ZNF16: variants seen among roughly 807,000 people sequenced by gnomAD.
ZNF16 encodes zinc finger protein 16.
In ZNF16, 7 loss-of-function variants were observed where a neutral mutation model predicts 9.0. That is an observed-to-expected ratio of 0.78 (90% CI 0.44 to 1.47). ZNF16 has a LOEUF of 1.47. Among genes scored for constraint, ZNF16 ranks in the 40% most tolerant of loss-of-function variants. ZNF16 has a pLI of 0.01. For missense variants in ZNF16, 830 were observed against 854.2 expected (o/e 0.97, Z 0.35); for synonymous variants, 312 against 301.5 (o/e 1.03, Z -0.36).
intron 2 of ZNF16, among the ~76,000 whole-genome samples, chr8:144,940,642 A>G (rs1202616526): frequency 2.0e-5 from 3 of 152,210 alleles, no homozygotes; most frequent in Non-Finnish European, 4.4e-5. Flanking sequence ...TTACATGTAC[A>G]CTTGAGAAGA....
Position 144,932,065 on chromosome 8 carries a change from T to C in ZNF16, c.722A>G (p.Asp241Gly). The C allele has an allele frequency of 6.2e-7, 1 of 1,614,122 alleles. No homozygotes were observed. The highest frequency in any genetic ancestry group is 1.1e-5 in the South Asian group (1 of 91,066). The change falls in exon 3 of 3, where the codon GAT (aspartate) becomes GGT (glycine). Residue 241 changes from aspartate (D) to glycine (G), a missense_variant. Coordinates refer to ENST00000394909, the MANE Select transcript of ZNF16 (RefSeq NM_006958.3). The surrounding 1 kb of genome is among the most constrained non-coding windows in gnomAD (Gnocchi z 5.0). ...HTGEASFMCD[D>G]CGKTFSQNSV... ...GTTCTGGCTGAAGGTTTTCCCACAA[T>C]CATCACACATAAAGGAAGCCTCCCC...
At chr8:144,941,159 A>G (rs1220354956) in intron 2 of ZNF16, among the ~76,000 whole-genome samples, 1 of 152,154 alleles carries the variant, frequency 6.6e-6, no homozygotes, top group African/African-American at 2.4e-5. Context: ...TCCATTTTTC[A>G]AAGTGGAGTA....
intron 1 of ZNF16, among the ~76,000 whole-genome samples, chr8:144,946,626 T>TGTACCCTGCTGTG (rs1833946315): frequency 1.2e-5 from 1 of 80,974 alleles, no homozygotes; most frequent in African/African-American, 5.1e-5. Flanking sequence ...GTCCTGCTGT[T>TGTACCCTGCTGTG]GGGCCTGTGT....
rs1833584080 is a variant in ZNF16 at position 144,932,580 on chromosome 8, G to T, written c.207C>A (p.Thr69=). The T allele has an allele frequency of 3.7e-6, 6 of 1,612,352 alleles. No individual in the cohort carries two copies. Among genetic ancestry groups the T allele is most frequent in the Non-Finnish European group, 5.1e-6 (6 of 1,179,234 alleles). The change falls in exon 3 of 3, where the codon ACC becomes ACA. Residue 69 remains threonine (T), a synonymous_variant. Transcript: ENST00000394909. This position sits in a 1 kb window ranked among gnomAD's most constrained non-coding sequence, Gnocchi z 5.0. ...GAAGAAACTCCTTGTCTTCAGTCCT[G>T]GTGTCACAATCTGAAACAATAAATA... is the stretch of plus-strand genomic sequence containing the variant. ...CPHYQQPDCD[T]RTEDKEFLHK...
intron 1 of ZNF16, among the ~76,000 whole-genome samples, chr8:144,949,874 G>A (rs187481041): frequency 9.8e-5 from 15 of 152,290 alleles, no homozygotes; most frequent in African/African-American, 2.4e-4. Context: ...CCCAACGCCC[G>A]TAAAGGGTCT....
At chr8:144,941,936 C>T (rs545754976) in intron 2 of ZNF16, among the ~76,000 whole-genome samples, 74 of 148,278 alleles carry the variant, frequency 5.0e-4, no homozygotes, top group African/African-American at 1.5e-3. Flanking sequence ...GGATTACAGG[C>T]GTGAGCCACC....
rs573467753 is a variant in ZNF16, at chr8:144,930,960, G to A, written c.1827C>T (p.Gly609=). 2 of 1,614,094 alleles carry A rather than the reference G, an allele frequency of 1.2e-6. No individual in the cohort carries two copies. Among genetic ancestry groups the A allele is most frequent in the African/African-American group, 1.3e-5 (1 of 75,058 alleles). Residue 609 remains glycine (G), a synonymous_variant, in exon 3 of 3, where the codon GGC becomes GGT. Transcript: ENST00000394909. ...KPYTCVECGK[G]FSQSSHLIQH... is the part of the protein sequence containing the mutation. ...GAATGAGGTGTGAGCTCTGGCTGAAGCCCTTACCACATTCAACACAGGTGT... is the reference window on the plus strand; with the variant it reads ...GAATGAGGTGTGAGCTCTGGCTGAAACCCTTACCACATTCAACACAGGTGT...
intron 1 of ZNF16, among the ~76,000 whole-genome samples, chr8:144,949,783 C>A (rs962594002): frequency 4.6e-5 from 7 of 152,140 alleles, no homozygotes; most frequent in African/African-American, 9.7e-5. Context: ...CTTGGAAAGC[C>A]GGGTATTGTC....
At position 144,946,029 on chromosome 8, in the gene ZNF16, G is replaced by GGCA. The variant is rs779581131; in HGVS notation, c.175_177dup (p.Cys59dup). On this transcript the variant is annotated inframe_insertion, in exon 2 of 3. Coordinates refer to ENST00000394909, the MANE Select transcript of ZNF16 (RefSeq NM_006958.3). ...AAAGTACCTGGCTGCTGATAGTGAG[G>GGCA]GCAGATGGCTTCCAGCTCAGTATCA... The GGCA allele has an allele frequency of 1.9e-6, 3 of 1,613,728 alleles. No individual in the cohort carries two copies. Among genetic ancestry groups the GGCA allele is most frequent in the African/African-American group, 2.7e-5 (2 of 74,992 alleles).
intron 2 of ZNF16, among the ~76,000 whole-genome samples, chr8:144,941,520 A>G (rs1425601188): frequency 6.6e-6 from 1 of 152,186 alleles, no homozygotes; most frequent in Non-Finnish European, 1.5e-5. Context: ...TTCACATGTA[A>G]TTACTGAAAA....
rs1445970350 is a variant in ZNF16 at position 144,946,087 on chromosome 8, A to G, written c.120T>C (p.Pro40=). The change falls in exon 2 of 3, where the codon CCT becomes CCC. Residue 40 remains proline, a synonymous_variant. Transcript: ENST00000394909. The stretch of plus-strand genomic sequence containing the variant: ...AGGGGGTACCACAGGCTGCAGATCC[A>G]GGGTGGGTCACAGCAGGAGCATCTC... The part of the protein sequence containing the change: ...RVRDAPAVTH[P]GSAACGTPCC... 7 of 1,613,186 alleles carry G rather than the reference A, an allele frequency of 4.3e-6. No individual in the cohort carries two copies. Among genetic ancestry groups the G allele is most frequent in the Non-Finnish European group, 5.1e-6 (6 of 1,179,346 alleles).
At position 144,933,465 on chromosome 8, in the gene ZNF16, C is replaced by T. The variant is rs1029693270; in HGVS notation, c.197-875G>A. Among the ~76,000 whole-genome samples, 2 of 152,134 alleles carry T rather than the reference C, an allele frequency of 1.3e-5. No homozygotes were observed. Among genetic ancestry groups the T allele is most frequent in the Admixed American group, 6.6e-5 (1 of 15,266 alleles). The stretch of plus-strand genomic sequence containing the variant: ...TGCCAGAAAAGGCTTCAGCATCTCC[C>T]TCTCCCCTTTTCACACCTGCAGAAC... On this transcript the variant is annotated intron_variant, in intron 2 of 2. Coordinates refer to ENST00000394909, the MANE Select transcript of ZNF16 (RefSeq NM_006958.3). This position sits in a 1 kb window ranked among gnomAD's most constrained non-coding sequence, Gnocchi z 5.6.
chr8:144,932,741 G>A lies in ZNF16; in HGVS notation c.197-151C>T. 2 of 741,930 alleles carry A rather than the reference G, an allele frequency of 2.7e-6. No homozygotes were observed. The highest frequency in any genetic ancestry group is 3.7e-5 in the South Asian group (2 of 54,710). 46.0% of individuals were successfully genotyped at this position (741,930 alleles called of 1,614,324 possible). ...AGTCCAGATCAGAGGGCATCAGGGA[G>A]GGGTGGGAGGAGCACTGGGTGATTA... is the stretch of plus-strand genomic sequence containing the variant. On this transcript the variant is annotated intron_variant, in intron 2 of 2. Transcript: ENST00000394909. This position sits in a 1 kb window ranked among gnomAD's most constrained non-coding sequence, Gnocchi z 5.0.
intron 2 of ZNF16, among the ~76,000 whole-genome samples, chr8:144,934,574 G>T (rs771162879): frequency 6.6e-6 from 1 of 152,222 alleles, no homozygotes; most frequent in Non-Finnish European, 1.5e-5. Context: ...TGAGGAATGG[G>T]GGCTGCTGGG....
At chr8:144,936,115 T>C (rs980259773) in intron 2 of ZNF16, among the ~76,000 whole-genome samples, 1 of 152,200 alleles carries the variant, frequency 6.6e-6, no homozygotes, top group African/African-American at 2.4e-5. Context: ...CAACCACTAA[T>C]CTGTATTCTG....
At position 144,930,822 on chromosome 8, in the gene ZNF16, C is replaced by A. The variant is rs866358687; in HGVS notation, c.1965G>T (p.Lys655Asn). 6.3e-7 allele frequency: 1 copy of A among 1,585,834 alleles called. No individual in the cohort carries two copies. The highest frequency in any genetic ancestry group is 1.2e-5 in the South Asian group (1 of 84,960). Residue 655 changes from lysine (K) to asparagine (N), a missense_variant, in exon 3 of 3, where the codon AAG becomes AAT. Transcript: ENST00000394909. ...IQHQRIHTGV[K>N]PYDCAACGKA... is the part of the protein sequence containing the mutation. ...TCCCACAAGCAGCACAGTCATAGGG[C>A]TTCACCCCAGTGTGAATCCTCTGGT...
chr8:144,946,520 T>TGTATCCTGCTGTGGGCCC lies in ZNF16; in HGVS notation c.-9-306_-9-305insGGGCCCACAGCAGGATAC, dbSNP rs141211451. ...ATAGGAGGGCAGCCCCCACAGGGTC[T>TGTATCCTGCTGTGGGCCC]GTGTCCTGCTGTGGGGCCTGTGTAC... On this transcript the variant is annotated intron_variant, in intron 1 of 2. Transcript: ENST00000394909. Among the ~76,000 whole-genome samples the TGTATCCTGCTGTGGGCCC allele has an allele frequency of 1.3e-3, 173 of 133,056 alleles. 34 individuals carry two copies. The highest frequency in any genetic ancestry group is 1.7e-3 in the East Asian group (7 of 4,138). The allele number at this position is 133,056 out of a possible 152,430, so 87.3% of individuals were successfully genotyped here.
rs1204147834 is a variant in ZNF16, at chr8:144,931,866, G to A, written c.921C>T (p.Ser307=). 1 of 1,614,020 alleles carries A rather than the reference G, an allele frequency of 6.2e-7. No individual in the cohort carries two copies. The highest frequency in any genetic ancestry group is 8.5e-7 in the Non-Finnish European group (1 of 1,180,038). ...ECGKAFSQNS[S]LKKHQKSHMS... ...TGTGAGACTTTTGGTGCTTTTTAAG[G>A]CTCGAGTTCTGGCTGAAGGCTTTTC... Residue 307 remains serine (S), a synonymous_variant, in exon 3 of 3, where the codon AGC becomes AGT. Coordinates refer to ENST00000394909, the MANE Select transcript of ZNF16 (RefSeq NM_006958.3).
At chr8:144,942,450 G>C (rs1315529882) in intron 2 of ZNF16, among the ~76,000 whole-genome samples, 2 of 151,778 alleles carry the variant, frequency 1.3e-5, no homozygotes, top group Non-Finnish European at 2.9e-5. Context: ...ACCATGCCCA[G>C]CTAATTTTTG....
Sources: allele counts gnomAD v4.1 joint callset (sites outside exome capture counted in the v4.1 genomes callset), GRCh38; gene constraint gnomAD v4.1.1; non-coding constraint Gnocchi (gnomAD v3.1); transcripts MANE v1.5; gene names NCBI Gene and HGNC (gene_info 2026-07-23, HGNC 2026-07-21).